Variants in TMTC2 observed in about 807,000 individuals in gnomAD.
The protein encoded by TMTC2 is protein O-mannosyl-transferase TMTC2.
In TMTC2, 43 loss-of-function variants were observed where a neutral mutation model predicts 82.4. That is an observed-to-expected ratio of 0.52 (90% CI 0.41 to 0.67). TMTC2 has a LOEUF of 0.67. TMTC2 is among the 30% of genes least tolerant of loss of function. TMTC2 has a pLI of 0.00. For missense variants in TMTC2, 919 were observed against 1,012.4 expected, an observed-to-expected ratio of 0.91 and a Z score of 1.25; for synonymous variants, 408 against 381.9, an observed-to-expected ratio of 1.07 and a Z score of -0.80.
At chr12:82,783,957 T>G (rs1270168954) in intron 1 of TMTC2, among the ~76,000 whole-genome samples, 1 of 152,106 alleles carries the variant, frequency 6.6e-6, no homozygotes, top group Non-Finnish European at 1.5e-5. Context: ...TATAACAATA[T>G]TCTACAAGTT....
At chr12:82,703,494 CTTTCT>C (rs1000986534) in intron 1 of TMTC2, among the ~76,000 whole-genome samples, 2 of 140,864 alleles carry the variant, frequency 1.4e-5, no homozygotes, top group Non-Finnish European at 3.1e-5. Flanking sequence ...TAGATAGTTT[CTTTCT>C]TTTTTTTTTT....
At chr12:83,020,092 T>A (rs377167924) in intron 8 of TMTC2, among the ~76,000 whole-genome samples, 10 of 152,324 alleles carry the variant, frequency 6.6e-5, no homozygotes, top group African/African-American at 2.4e-4. Flanking sequence ...AAGCATCAAT[T>A]CTTTGGAAAC....
chr12:82,833,947 C>A (rs1054294834), intron 1 of TMTC2, among the ~76,000 whole-genome samples: 3 of 152,056 alleles, frequency 2.0e-5, no homozygotes, highest in Non-Finnish European at 4.4e-5. Context: ...ACTTAGAGAT[C>A]TGAGAAAAAA....
chr12:82,831,778 G>A (rs867200088), intron 1 of TMTC2, among the ~76,000 whole-genome samples: 2 of 152,162 alleles, frequency 1.3e-5, no homozygotes, highest in African/African-American at 4.8e-5. Flanking sequence ...TCGTGGCACT[G>A]CTGACACTGG....
chr12:82,699,470 TG>T (rs1872968198), intron 1 of TMTC2, among the ~76,000 whole-genome samples: 1 of 152,214 alleles, frequency 6.6e-6, no homozygotes, highest in African/African-American at 2.4e-5. Context: ...ATATTGTTAC[TG>T]GGTACTCATG....
intron 8 of TMTC2, among the ~76,000 whole-genome samples, chr12:83,002,362 G>C (rs757618721): frequency 6.6e-6 from 1 of 151,964 alleles, no homozygotes; most frequent in East Asian, 1.9e-4. Flanking sequence ...TGTTAATCTA[G>C]CTATGATCTA....
At chr12:82,726,135 A>G (rs1364994079) in intron 1 of TMTC2, among the ~76,000 whole-genome samples, 1 of 152,184 alleles carries the variant, frequency 6.6e-6, no homozygotes, top group East Asian at 1.9e-4. Context: ...TTTGTCACAT[A>G]ATGTTATTCT....
rs1002963947 is a variant in TMTC2, at chr12:83,134,853, G to A, written c.*2464G>A. ...TTTCAATTTTGTTTTCAACAATAAA[G>A]CATTGATAAGAAATATATTGTGTAA... is the stretch of plus-strand genomic sequence containing the variant. On this transcript the variant is annotated 3_prime_UTR_variant, in exon 12 of 12. Transcript: ENST00000321196. The A allele has an allele frequency of 3.9e-5, 6 of 152,094 alleles. No individual in the cohort carries two copies. Among genetic ancestry groups the A allele is most frequent in the Non-Finnish European group, 8.8e-5 (6 of 68,004 alleles). 9.4% of individuals were successfully genotyped at this position (152,094 alleles called of 1,614,324 possible). A position where few individuals can be genotyped will look rare whatever the true frequency, so the allele number is the denominator to read the frequency against.
intron 1 of TMTC2, among the ~76,000 whole-genome samples, chr12:82,808,036 G>A (rs532723886): frequency 1.2e-4 from 18 of 151,692 alleles, no homozygotes; most frequent in African/African-American, 4.4e-4. Context: ...GCAGAAATTG[G>A]CATCTCTAGA....
chr12:82,811,378 A>G (rs1403381986), intron 1 of TMTC2, among the ~76,000 whole-genome samples: 1 of 152,054 alleles, frequency 6.6e-6, no homozygotes, highest in African/African-American at 2.4e-5. Context: ...GCCCTTGTAG[A>G]AATTTTATTC....
intron 1 of TMTC2, among the ~76,000 whole-genome samples, chr12:82,806,840 A>G (rs1879266967): frequency 6.6e-6 from 1 of 151,964 alleles, no homozygotes; most frequent in Non-Finnish European, 1.5e-5. Context: ...TAGATGGCAA[A>G]GGCAAAAGAA....
chr12:83,014,441 G>A (rs968811981), intron 8 of TMTC2, among the ~76,000 whole-genome samples: 5 of 152,224 alleles, frequency 3.3e-5, no homozygotes, highest in African/African-American at 1.2e-4. Context: ...CCCGCTTCAA[G>A]TGATTCTCCT....
intron 1 of TMTC2, among the ~76,000 whole-genome samples, chr12:82,832,537 T>C (rs1869810125): frequency 6.6e-6 from 1 of 152,176 alleles, no homozygotes; most frequent in African/African-American, 2.4e-5. Context: ...TCCTGTGTAA[T>C]AATTTGTCCT....
At chr12:82,763,946 G>A (rs1876796966) in intron 1 of TMTC2, among the ~76,000 whole-genome samples, 1 of 152,102 alleles carries the variant, frequency 6.6e-6, no homozygotes, top group Non-Finnish European at 1.5e-5. Flanking sequence ...TCTCACTCAT[G>A]AATACAGGTA....
intron 10 of TMTC2, among the ~76,000 whole-genome samples, chr12:83,057,215 G>A (rs141072719): frequency 5.3e-5 from 8 of 151,988 alleles, no homozygotes; most frequent in Non-Finnish European, 1.0e-4. Context: ...GCCCTTAGCA[G>A]CCCCCGAACA....
chr12:83,079,094 G>A (rs1160263597), intron 11 of TMTC2, among the ~76,000 whole-genome samples: 1 of 152,060 alleles, frequency 6.6e-6, no homozygotes, highest in Non-Finnish European at 1.5e-5. Flanking sequence ...CACAGGAAGA[G>A]ATGAGAACAG....
Position 82,979,510 on chromosome 12 carries a change from C to A in TMTC2, c.1949-6415C>A, listed in dbSNP as rs1413456020. ...CCCTCCTGCTTTTTAACTTTTAATT[C>A]TTTCTGTTTATTTCTTATACTGTGC... On this transcript the variant is annotated intron_variant, in intron 7 of 11. Transcript: ENST00000321196. 2.6e-5 allele frequency among the ~76,000 whole-genome samples: 4 copies of A among 151,640 alleles called. No individual in the cohort carries two copies. The South Asian group carries it at 8.3e-4, about 31-fold the overall frequency.
chr12:82,857,353 G>A lies in TMTC2; in HGVS notation c.427G>A (p.Gly143Arg). The A allele has an allele frequency of 1.9e-6, 3 of 1,614,122 alleles. No homozygotes were observed. The highest frequency in any genetic ancestry group is 2.5e-6 in the Non-Finnish European group (3 of 1,180,020). The change falls in exon 2 of 12, where the codon GGG becomes AGG. Residue 143 changes from glycine (G) to arginine (R), a missense_variant. Transcript: ENST00000321196. ...VAGIVGRADV[G>R]ASLFFLLSLL... ...AGGAATCGTGGGACGAGCCGATGTC[G>A]GGGCCAGTCTCTTCTTTCTCCTCTC...
At chr12:83,012,316 G>A (rs564203096) in intron 8 of TMTC2, among the ~76,000 whole-genome samples, 2 of 152,160 alleles carry the variant, frequency 1.3e-5, no homozygotes, top group East Asian at 1.9e-4. Flanking sequence ...GGGATAAATG[G>A]CAAAGGTGAA....
Sources: gnomAD v4.1 joint callset for allele counts (sites outside exome capture counted in the v4.1 genomes callset) on GRCh38, gnomAD v4.1.1 for gene constraint, MANE v1.5 for transcripts, NCBI Gene and HGNC (gene_info 2026-07-23, HGNC 2026-07-21) for gene names.